Variants in MBNL2 observed in about 807,000 individuals in gnomAD.
The protein encoded by MBNL2 is muscleblind like splicing regulator 2.
Under a neutral mutation model 41.9 loss-of-function variants are expected in MBNL2, and 17 were observed. That is an observed-to-expected ratio of 0.41 (90% CI 0.28 to 0.61). MBNL2 has a LOEUF of 0.61. MBNL2 is among the 20% of genes least tolerant of loss of function. MBNL2 has a pLI of 0.35. For synonymous variants in MBNL2, 195 were observed against 182.9 expected (o/e 1.07, Z -0.53); for missense variants, 336 against 505.6 (o/e 0.66, Z 3.22).
the MBNL2 span, among the ~76,000 whole-genome samples, chr13:97,178,427 A>T: frequency 6.6e-6 from 1 of 152,242 alleles, no homozygotes; most frequent in South Asian, 2.1e-4. Flanking sequence ...GCTCAACATG[A>T]ATAATAATTA....
At chr13:97,160,287 G>C in the MBNL2 span, among the ~76,000 whole-genome samples, 1 of 152,116 alleles carries the variant, frequency 6.6e-6, no homozygotes, top group Non-Finnish European at 1.5e-5. Flanking sequence ...CTCACCTTGT[G>C]AGCTGGCTGC....
intron 1 of MBNL2, among the ~76,000 whole-genome samples, chr13:97,266,507 T>TG (rs1421106503): frequency 6.6e-6 from 1 of 152,214 alleles, no homozygotes; most frequent in Admixed American, 6.5e-5. Flanking sequence ...ACCCTCCTTC[T>TG]GGAGATCAAG....
At chr13:97,335,285 CTT>C (rs35438891) in intron 3 of MBNL2, among the ~76,000 whole-genome samples, 34 of 141,278 alleles carry the variant, frequency 2.4e-4, no homozygotes, top group East Asian at 4.1e-4. Context: ...GAAACAAGCT[CTT>C]TTTTTTTTTT....
chr13:97,315,770 C>T (rs1429575060), intron 2 of MBNL2, among the ~76,000 whole-genome samples: 8 of 151,914 alleles, frequency 5.3e-5, no homozygotes, highest in Non-Finnish European at 7.4e-5. Context: ...CACTCTCTGG[C>T]AATGTGGAAG....
chr13:97,223,417 CT>C (rs2041101184), intron 1 of MBNL2, among the ~76,000 whole-genome samples: 1 of 152,220 alleles, frequency 6.6e-6, no homozygotes, highest in African/African-American at 2.4e-5. Flanking sequence ...CTAAAGAATT[CT>C]TTCTGCCCTT....
At chr13:97,215,132 CT>C in the MBNL2 span, among the ~76,000 whole-genome samples, 1 of 152,206 alleles carries the variant, frequency 6.6e-6, no homozygotes, top group African/African-American at 2.4e-5. Context: ...TGGGCATGTC[CT>C]GTAACCTTTG....
At chr13:97,324,710 A>G (rs750606435) in intron 2 of MBNL2, among the ~76,000 whole-genome samples, 9 of 152,154 alleles carry the variant, frequency 5.9e-5, no homozygotes, top group African/African-American at 1.2e-4. Context: ...CAAAACCTCA[A>G]AAGTAGGGAA....
intron 1 of MBNL2, among the ~76,000 whole-genome samples, chr13:97,258,113 GCAGGATTTCATGAGT>G (rs1487549031): frequency 3.3e-5 from 5 of 152,158 alleles, no homozygotes; most frequent in Non-Finnish European, 7.4e-5. Flanking sequence ...GCGGTAGGAT[GCAGGATTTCATGAGT>G]CCTGCCTGAT....
chr13:97,300,208 C>A (rs1412708928), intron 2 of MBNL2, among the ~76,000 whole-genome samples: 2 of 152,186 alleles, frequency 1.3e-5, no homozygotes, highest in African/African-American at 2.4e-5. Flanking sequence ...TGTCCAACAG[C>A]CATCTCTTAC....
At chr13:97,339,866 T>TC (rs2061286376) in intron 3 of MBNL2, among the ~76,000 whole-genome samples, 1 of 79,446 alleles carries the variant, frequency 1.3e-5, no homozygotes, top group Non-Finnish European at 2.4e-5. Flanking sequence ...AACTGATTTG[T>TC]GTGTGGGCGG....
rs955163213 is a variant in MBNL2, at chr13:97,366,998, T to C, written c.1048+1827T>C. 6.6e-6 allele frequency among the ~76,000 whole-genome samples: 1 copy of C among 152,152 alleles called. No homozygotes were observed. The highest frequency in any genetic ancestry group is 1.5e-5 in the Non-Finnish European group (1 of 68,028). ...AGTCATATTTGAGGCCTAAGTGTCATATTTGAGGTCTGAATAATTCTTATG... is the reference window on the plus strand; with the variant it reads ...AGTCATATTTGAGGCCTAAGTGTCACATTTGAGGTCTGAATAATTCTTATG... On this transcript the variant is annotated intron_variant, in intron 8 of 8. Transcript: ENST00000679496. This position sits in a 1 kb window ranked among gnomAD's most constrained non-coding sequence, Gnocchi z 4.7.
intron 1 of MBNL2, among the ~76,000 whole-genome samples, chr13:97,225,397 T>C (rs1026574091): frequency 6.6e-6 from 1 of 152,190 alleles, no homozygotes; most frequent in African/African-American, 2.4e-5. Flanking sequence ...ACAAAACAGA[T>C]TATCAACATA....
chr13:97,391,170 G>C, intron 8 of MBNL2, 152 bp from the exon 9 acceptor site: 1 of 584,010 alleles, frequency 1.7e-6, no homozygotes, highest in Non-Finnish European at 3.0e-6. Flanking sequence ...CATGAAGGGC[G>C]GGTATTGTGC....
At chr13:97,371,936 C>G (rs1304828957) in intron 8 of MBNL2, among the ~76,000 whole-genome samples, 1 of 152,224 alleles carries the variant, frequency 6.6e-6, no homozygotes, top group Non-Finnish European at 1.5e-5. Context: ...ATGTGCTCAC[C>G]TTTCACATGG....
At chr13:97,310,758 G>C (rs1290219128) in intron 2 of MBNL2, among the ~76,000 whole-genome samples, 3 of 145,624 alleles carry the variant, frequency 2.1e-5, no homozygotes, top group Non-Finnish European at 4.5e-5. Flanking sequence ...AAAGGAATTT[G>C]AAAGAACTTT....
At chr13:97,316,878 G>C (rs903326109) in intron 2 of MBNL2, among the ~76,000 whole-genome samples, 2 of 152,200 alleles carry the variant, frequency 1.3e-5, no homozygotes, top group African/African-American at 4.8e-5. Flanking sequence ...GCTAAGTTCT[G>C]TGTGGACAGG....
intron 1 of MBNL2, among the ~76,000 whole-genome samples, chr13:97,249,967 C>G (rs2046203878): frequency 6.6e-6 from 1 of 152,180 alleles, no homozygotes; most frequent in Non-Finnish European, 1.5e-5. Flanking sequence ...GTGATTGCTA[C>G]GAGGTTCCAG....
At chr13:97,247,003 T>A (rs977267547) in intron 1 of MBNL2, among the ~76,000 whole-genome samples, 6 of 152,202 alleles carry the variant, frequency 3.9e-5, no homozygotes, top group African/African-American at 9.6e-5. Context: ...AACTAGTAAT[T>A]GAAATTCTTT....
the MBNL2 span, among the ~76,000 whole-genome samples, chr13:97,169,592 A>G: frequency 6.6e-6 from 1 of 152,206 alleles, no homozygotes; most frequent in Non-Finnish European, 1.5e-5. Context: ...GTGTTTCTAA[A>G]TGGCATCATG....
Sources: allele counts gnomAD v4.1 joint callset (sites outside exome capture counted in the v4.1 genomes callset), GRCh38; gene constraint gnomAD v4.1.1; non-coding constraint Gnocchi (gnomAD v3.1); transcripts MANE v1.5; gene names NCBI Gene and HGNC (gene_info 2026-07-23, HGNC 2026-07-21).